TTLL1: variants seen among roughly 807,000 people sequenced by gnomAD.
The protein encoded by TTLL1 is TTL family tubulin polyglutamylase complex subunit L1.
In TTLL1, 33 loss-of-function variants were observed where a neutral mutation model predicts 47.8. The ratio of observed to expected loss-of-function variants is 0.69; its 90% CI spans 0.52 to 0.92. TTLL1 has a LOEUF of 0.92. TTLL1 is among the 40% of genes least tolerant of loss of function. The pLI is 0.00. For synonymous variants in TTLL1, 225 were observed against 214.1 expected, an observed-to-expected ratio of 1.05 and a Z score of -0.45; for missense variants, 488 against 547.5, an observed-to-expected ratio of 0.89 and a Z score of 1.08.
At chr22:43,067,029 G>A (rs1927782631) in intron 5 of TTLL1, among the ~76,000 whole-genome samples, 1 of 152,040 alleles carries the variant, frequency 6.6e-6, no homozygotes, top group South Asian at 2.1e-4. Flanking sequence ...AAATGAGAAG[G>A]TGTCTCCTGT....
intron 8 of TTLL1, among the ~76,000 whole-genome samples, chr22:43,055,410 T>C (rs1050596153): frequency 1.3e-5 from 2 of 151,998 alleles, no homozygotes; most frequent in Admixed American, 6.6e-5. Context: ...CAGCTCCCTG[T>C]AGCCTCCATC....
At chr22:43,046,329 T>C in intron 10 of TTLL1, 81 bp downstream of exon 10, 1 of 1,519,152 alleles carries the variant, frequency 6.6e-7, no homozygotes, top group Non-Finnish European at 9.0e-7. Context: ...AATCCACATA[T>C]GCCCAGAAAT....
chr22:43,040,432 C>G (rs1397548825), intron 10 of TTLL1, among the ~76,000 whole-genome samples: 1 of 152,006 alleles, frequency 6.6e-6, no homozygotes, highest in Non-Finnish European at 1.5e-5. Context: ...CCAGTGTGAC[C>G]CACGCCACCC....
intron 8 of TTLL1, among the ~76,000 whole-genome samples, chr22:43,057,705 A>G (rs1927111565): frequency 6.6e-6 from 1 of 151,762 alleles, no homozygotes; most frequent in East Asian, 1.9e-4. Context: ...CTCAGAGAAA[A>G]AAACAAAAGA....
rs200497908 is a variant in TTLL1 at position 43,041,532 on chromosome 22, C to T, written c.1143-1627G>A. ...GTGGGAAGAAAGCATTTTCTGATTC[C>T]TTTTTTTTTTTTTAAACGGTCACCC... On this transcript the variant is annotated intron_variant, in intron 10 of 10. Transcript: ENST00000266254. 1.5e-4 allele frequency among the ~76,000 whole-genome samples: 21 copies of T among 140,312 alleles called. No homozygotes were observed. In the East Asian group the frequency reaches 3.0e-3, roughly 20 times the overall value. 92.1% of individuals were successfully genotyped at this position (140,312 alleles called of 152,430 possible).
intron 1 of TTLL1, among the ~76,000 whole-genome samples, chr22:43,081,335 A>C (rs1036432260): frequency 1.1e-4 from 17 of 152,116 alleles, no homozygotes; most frequent in African/African-American, 4.1e-4. Flanking sequence ...GTAAATATTC[A>C]GTGCATGACG....
At chr22:43,046,085 G>T (rs1001554143) in intron 10 of TTLL1, among the ~76,000 whole-genome samples, 1 of 152,096 alleles carries the variant, frequency 6.6e-6, no homozygotes, top group Non-Finnish European at 1.5e-5. Context: ...GCCAGGAGTG[G>T]TAACACATGC....
At chr22:43,060,914 G>A (rs917820572) in intron 7 of TTLL1, among the ~76,000 whole-genome samples, 3 of 152,142 alleles carry the variant, frequency 2.0e-5, no homozygotes, top group African/African-American at 7.2e-5. Flanking sequence ...TTAAAAGAAA[G>A]TCCAGGCGCG....
chr22:43,072,926 T>A, intron 3 of TTLL1, among the ~76,000 whole-genome samples: 1 of 152,160 alleles, frequency 6.6e-6, no homozygotes, highest in East Asian at 1.9e-4. Flanking sequence ...CTGCCACAAA[T>A]TGGGTATGTG....
At chr22:43,083,104 C>A (rs1050763172) in intron 1 of TTLL1, among the ~76,000 whole-genome samples, 1 of 152,012 alleles carries the variant, frequency 6.6e-6, no homozygotes, top group Non-Finnish European at 1.5e-5. Flanking sequence ...CAGCGGCTCA[C>A]GCCTGTAATC....
At chr22:43,049,197 G>A (rs909528121) in intron 9 of TTLL1, among the ~76,000 whole-genome samples, 7 of 152,066 alleles carry the variant, frequency 4.6e-5, no homozygotes, top group Admixed American at 3.9e-4. Flanking sequence ...GGGAAGCCAA[G>A]GCAGGAGGAT....
At chr22:43,072,961 C>T (rs1208868228) in intron 3 of TTLL1, among the ~76,000 whole-genome samples, 1 of 152,036 alleles carries the variant, frequency 6.6e-6, no homozygotes, top group East Asian at 1.9e-4. Context: ...TTTCTGTTTG[C>T]AGTTGTATGA....
chr22:43,046,922 C>T (rs971342828), intron 9 of TTLL1, among the ~76,000 whole-genome samples: 13 of 152,124 alleles, frequency 8.5e-5, no homozygotes, highest in Non-Finnish European at 1.3e-4. Flanking sequence ...CCTCCCACCT[C>T]GGCCTCCCAA....
chr22:43,066,862 C>T (rs1927771350), intron 5 of TTLL1, among the ~76,000 whole-genome samples: 1 of 151,804 alleles, frequency 6.6e-6, no homozygotes, highest in Non-Finnish European at 1.5e-5. Flanking sequence ...TGGTGGGTGC[C>T]TGTGATCCCA....
intron 10 of TTLL1, among the ~76,000 whole-genome samples, chr22:43,045,272 G>C (rs968444242): frequency 1.3e-5 from 2 of 152,094 alleles, no homozygotes; most frequent in African/African-American, 2.4e-5. Context: ...TCGTCACTAC[G>C]AGTATGCCAC....
intron 1 of TTLL1, among the ~76,000 whole-genome samples, chr22:43,082,161 T>G (rs1005249354): frequency 2.1e-5 from 3 of 144,670 alleles, no homozygotes; most frequent in African/African-American, 7.9e-5. Context: ...CCCCTTCCAT[T>G]TTTTTTTTTT....
chr22:43,070,123 G>T, intron 3 of TTLL1: 1 of 1,391,314 alleles, frequency 7.2e-7, no homozygotes, highest in African/African-American at 1.4e-5. Flanking sequence ...TTATTGATTA[G>T]TGATAACACG....
intron 1 of TTLL1, among the ~76,000 whole-genome samples, chr22:43,082,189 T>G (rs960991065): frequency 6.6e-6 from 1 of 151,392 alleles, no homozygotes; most frequent in African/African-American, 2.4e-5. Context: ...ACACAGATAA[T>G]TGATTACGTC....
chr22:43,069,301 A>C (rs1344987552), intron 4 of TTLL1, among the ~76,000 whole-genome samples: 1 of 149,734 alleles, frequency 6.7e-6, no homozygotes, highest in Non-Finnish European at 1.5e-5. Context: ...CTGAGGCAGG[A>C]GAATTGCTTG....
Sources: allele counts gnomAD v4.1 joint callset (sites outside exome capture counted in the v4.1 genomes callset), GRCh38; gene constraint gnomAD v4.1.1; transcripts MANE v1.5; gene names NCBI Gene and HGNC (gene_info 2026-07-23, HGNC 2026-07-21).